C1QTNF3: variants seen among roughly 807,000 people sequenced by gnomAD.
The protein encoded by C1QTNF3 is complement C1q tumor necrosis factor-related protein 3.
In C1QTNF3, 26 loss-of-function variants were observed where a neutral mutation model predicts 32.6. That is an observed-to-expected ratio of 0.80 (90% CI 0.58 to 1.11). The LOEUF is 1.11. Among genes scored for constraint, C1QTNF3 ranks in the 50% least tolerant of loss-of-function variants. C1QTNF3 has a pLI of 0.00. For missense variants in C1QTNF3, 362 were observed against 398.2 expected, an observed-to-expected ratio of 0.91 and a Z score of 0.77; for synonymous variants, 155 against 146.0, an observed-to-expected ratio of 1.06 and a Z score of -0.44.
At chr5:34,182,193 T>C in the C1QTNF3 span, among the ~76,000 whole-genome samples, 9 of 152,166 alleles carry the variant, frequency 5.9e-5, no homozygotes, top group East Asian at 3.9e-4. Flanking sequence ...CAAATTTTCA[T>C]ATTTCAGTAG....
the C1QTNF3 span, among the ~76,000 whole-genome samples, chr5:34,061,064 G>C: frequency 6.6e-6 from 1 of 152,078 alleles, no homozygotes; most frequent in Non-Finnish European, 1.5e-5. Flanking sequence ...ACAGATATTG[G>C]GTAAATATAG....
rs1754262238 is a variant in C1QTNF3, at chr5:34,019,049, A to C, written c.*1534T>G. ...AGGCTGAGGTAGGAGAGTCACTTGA[A>C]CCCAGGAGGCGGAGGCTGCGGTGAG... On this transcript the variant is annotated 3_prime_UTR_variant, in exon 6 of 6. Transcript: ENST00000382065. Among the ~76,000 whole-genome samples, 1 of 151,712 alleles carries C rather than the reference A, an allele frequency of 6.6e-6. No individual in the cohort carries two copies. Among genetic ancestry groups the C allele is most frequent in the Non-Finnish European group, 1.5e-5 (1 of 67,988 alleles).
rs1043133639 is a variant in C1QTNF3, at chr5:34,031,565, G to A, written c.570+1739C>T. Among the ~76,000 whole-genome samples the A allele has an allele frequency of 2.6e-5, 4 of 152,302 alleles. No individual in the cohort carries two copies. The South Asian group carries it at 8.3e-4, about 32-fold the overall frequency. The stretch of plus-strand genomic sequence containing the variant: ...AAACAGCATTTGGCTAGGCACAGTG[G>A]CTCACACCTGTAATCCCAGCACTTT... On this transcript the variant is annotated intron_variant, in intron 3 of 5. Transcript: ENST00000382065.
At chr5:34,139,762 T>C in the C1QTNF3 span, among the ~76,000 whole-genome samples, 1 of 152,156 alleles carries the variant, frequency 6.6e-6, no homozygotes, top group African/African-American at 2.4e-5. Flanking sequence ...CACCCAAAAT[T>C]AAAAGAAATT....
the C1QTNF3 span, among the ~76,000 whole-genome samples, chr5:34,129,080 T>A: frequency 6.6e-6 from 1 of 152,108 alleles, no homozygotes; most frequent in African/African-American, 2.4e-5. Flanking sequence ...CTTGTGATAG[T>A]GAGTGAGTTC....
At chr5:34,172,424 T>C in the C1QTNF3 span, among the ~76,000 whole-genome samples, 5 of 136,382 alleles carry the variant, frequency 3.7e-5, no homozygotes, top group Non-Finnish European at 6.2e-5. Flanking sequence ...AAAACAGCCA[T>C]GTACCCGGGG....
chr5:34,132,436 TA>T, the C1QTNF3 span, among the ~76,000 whole-genome samples: 2 of 1,276 alleles, frequency 1.6e-3, no homozygotes, highest in Non-Finnish European at 5.8e-3. Flanking sequence ...TATGTGTATG[TA>T]TATATATATA....
At chr5:34,091,956 A>T in the C1QTNF3 span, among the ~76,000 whole-genome samples, 1 of 152,000 alleles carries the variant, frequency 6.6e-6, no homozygotes, top group Non-Finnish European at 1.5e-5. Context: ...TTCAATTGTT[A>T]ACGTTGACTA....
At position 34,043,114 on chromosome 5, in the gene C1QTNF3, C is replaced by T. The variant is rs1271185290; in HGVS notation, c.12G>A (p.Arg4=). Residue 4 remains arginine, a synonymous_variant, in exon 1 of 6, where the codon AGG becomes AGA. Coordinates refer to ENST00000382065, the MANE Select transcript of C1QTNF3 (RefSeq NM_181435.6). The part of the protein sequence containing the change: MLW[R]QLIYWQLLAL... ...CCAGCAGTTGCCAATAGATGAGCTG[C>T]CTCCAAAGCATGATTCTCAACAGAG... The T allele has an allele frequency of 5.6e-6, 9 of 1,612,130 alleles. No homozygotes were observed. In the South Asian group the frequency reaches 6.6e-5, roughly 12 times the overall value.
the C1QTNF3 span, among the ~76,000 whole-genome samples, chr5:34,241,310 G>C: frequency 2.6e-4 from 40 of 151,842 alleles, no homozygotes; most frequent in South Asian, 6.3e-4. Context: ...CAGAAAAAGA[G>C]AAAAGCACCC....
chr5:34,194,141 G>A, the C1QTNF3 span, among the ~76,000 whole-genome samples: 1 of 152,162 alleles, frequency 6.6e-6, no homozygotes, highest in East Asian at 1.9e-4. Flanking sequence ...TTCTGGCTCC[G>A]TTAACTATTA....
At chr5:34,131,839 T>C in the C1QTNF3 span, among the ~76,000 whole-genome samples, 1 of 152,204 alleles carries the variant, frequency 6.6e-6, no homozygotes, top group East Asian at 1.9e-4. Context: ...CACGAATCTG[T>C]TAACTATTCA....
At chr5:34,147,201 C>A in the C1QTNF3 span, among the ~76,000 whole-genome samples, 2 of 152,206 alleles carry the variant, frequency 1.3e-5, no homozygotes, top group Non-Finnish European at 2.9e-5. Context: ...TGCGCATACA[C>A]TGTTGCTGGG....
chr5:34,070,384 G>A, the C1QTNF3 span, among the ~76,000 whole-genome samples: 1 of 152,072 alleles, frequency 6.6e-6, no homozygotes, highest in Non-Finnish European at 1.5e-5. Flanking sequence ...ACAAAAAATG[G>A]CTTTTTGGGG....
At chr5:34,133,878 A>G in the C1QTNF3 span, among the ~76,000 whole-genome samples, 1 of 152,258 alleles carries the variant, frequency 6.6e-6, no homozygotes, top group Non-Finnish European at 1.5e-5. Flanking sequence ...TCGTTTCACG[A>G]AAGCAGAAAT....
the C1QTNF3 span, among the ~76,000 whole-genome samples, chr5:34,230,670 G>A: frequency 2.4e-3 from 366 of 152,002 alleles, 1 homozygote; most frequent in African/African-American, 8.4e-3. Context: ...TACATATAGC[G>A]TAAATCAATT....
chr5:34,103,262 T>C, the C1QTNF3 span, among the ~76,000 whole-genome samples: 1 of 152,162 alleles, frequency 6.6e-6, no homozygotes, highest in Admixed American at 6.5e-5. Context: ...GAACTTTTAA[T>C]TTTTAAATTA....
chr5:34,102,653 G>A, the C1QTNF3 span, among the ~76,000 whole-genome samples: 3 of 152,046 alleles, frequency 2.0e-5, no homozygotes, highest in South Asian at 2.1e-4. Flanking sequence ...ATTACCCTTA[G>A]GAAAAAATGC....
At chr5:34,216,286 C>A in the C1QTNF3 span, among the ~76,000 whole-genome samples, 1 of 152,158 alleles carries the variant, frequency 6.6e-6, no homozygotes, top group African/African-American at 2.4e-5. Flanking sequence ...TTCCTTAATT[C>A]TCCATAGCTA....
Sources: allele counts gnomAD v4.1 joint callset (sites outside exome capture counted in the v4.1 genomes callset), GRCh38; gene constraint gnomAD v4.1.1; transcripts MANE v1.5; gene names NCBI Gene and HGNC (gene_info 2026-07-23, HGNC 2026-07-21).